The following WWOX variants were observed in gnomAD, a reference collection of about 807,000 sequenced individuals.
The protein encoded by WWOX is WW domain-containing oxidoreductase.
WWOX carries 69 observed loss-of-function variants against 46.2 expected under a neutral mutation model. The ratio of observed to expected loss-of-function variants is 1.49; its 90% confidence interval spans 1.23 to 1.82. The LOEUF is 1.82. Among genes scored for constraint, WWOX ranks in the 40% most tolerant of loss-of-function variants. The probability of loss-of-function intolerance (pLI) is 0.00; values close to 1 mark genes in which losing one functional copy is unlikely to be tolerated. For missense variants in WWOX, 919 were observed against 542.6 expected, an observed-to-expected ratio of 1.69 and a Z score of -6.89; for synonymous variants, 359 against 202.6, an observed-to-expected ratio of 1.77 and a Z score of -6.56.
intron 8 of WWOX, among the ~76,000 whole-genome samples, chr16:78,940,518 C>A (rs575178859): frequency 6.6e-6 from 1 of 152,104 alleles, no homozygotes; most frequent in African/African-American, 2.4e-5. Context: ...ATTTTTACAT[C>A]ATTTCCATCG....
intron 8 of WWOX, among the ~76,000 whole-genome samples, chr16:79,125,203 A>G (rs1212384159): frequency 6.6e-6 from 1 of 152,130 alleles, no homozygotes; most frequent in African/African-American, 2.4e-5. Context: ...GTCCTTATAG[A>G]TGTATATTAC....
chr16:79,024,097 G>C (rs1165588090), intron 8 of WWOX, among the ~76,000 whole-genome samples: 2 of 152,318 alleles, frequency 1.3e-5, no homozygotes, highest in East Asian at 1.9e-4. Context: ...CAGGGGGCTG[G>C]GAAAGAGGGG....
chr16:78,146,828 C>G (rs2034215546), intron 4 of WWOX, among the ~76,000 whole-genome samples: 1 of 152,148 alleles, frequency 6.6e-6, no homozygotes, highest in African/African-American at 2.4e-5. Flanking sequence ...GTGTTTTGTT[C>G]CGTGCATCCT....
At chr16:78,816,651 G>A (rs919847785) in intron 8 of WWOX, among the ~76,000 whole-genome samples, 3 of 151,302 alleles carry the variant, frequency 2.0e-5, no homozygotes, top group Non-Finnish European at 2.9e-5. Context: ...CACATTAAAA[G>A]CACAACCAAA....
At chr16:78,640,411 C>T (rs1265160447) in intron 8 of WWOX, among the ~76,000 whole-genome samples, 3 of 151,884 alleles carry the variant, frequency 2.0e-5, no homozygotes, top group Non-Finnish European at 4.4e-5. Flanking sequence ...GCAGGAAGGG[C>T]ACAGGGGCAA....
chr16:79,079,071 C>T (rs1433369087), intron 8 of WWOX, among the ~76,000 whole-genome samples: 1 of 152,142 alleles, frequency 6.6e-6, no homozygotes, highest in African/African-American at 2.4e-5. Flanking sequence ...CAATTAGTGC[C>T]TTAACATAAT....
intron 8 of WWOX, among the ~76,000 whole-genome samples, chr16:79,189,425 G>C (rs1231942158): frequency 1.4e-4 from 1 of 6,912 alleles, no homozygotes; most frequent in Non-Finnish European, 2.6e-4. Context: ...TCCCAGCTTT[G>C]TGTGTGTGTG....
At chr16:79,087,787 G>C (rs2048880665) in intron 8 of WWOX, among the ~76,000 whole-genome samples, 1 of 152,142 alleles carries the variant, frequency 6.6e-6, no homozygotes, top group African/African-American at 2.4e-5. Context: ...ACGTTCTCTT[G>C]GTTGCGAGGA....
chr16:78,770,575 G>C (rs1344020493), intron 8 of WWOX, among the ~76,000 whole-genome samples: 3 of 152,186 alleles, frequency 2.0e-5, no homozygotes, highest in Admixed American at 2.0e-4. Flanking sequence ...TGTGGTGCCA[G>C]GGAAGGACGT....
At chr16:79,051,589 G>A (rs141232016) in intron 8 of WWOX, among the ~76,000 whole-genome samples, 5 of 152,186 alleles carry the variant, frequency 3.3e-5, no homozygotes, top group African/African-American at 9.6e-5. Flanking sequence ...GGGAGGGAGC[G>A]TCAACATTAG....
intron 6 of WWOX, among the ~76,000 whole-genome samples, chr16:78,397,698 C>T (rs144737122): frequency 2.0e-5 from 3 of 152,274 alleles, no homozygotes; most frequent in African/African-American, 7.2e-5. Context: ...TTAGAAAGGT[C>T]AGTTCAAGGT....
intron 8 of WWOX, among the ~76,000 whole-genome samples, chr16:78,849,351 C>G (rs1262190284): frequency 6.7e-6 from 1 of 150,252 alleles, no homozygotes; most frequent in Non-Finnish European, 1.5e-5. Context: ...CGGGGGGGAT[C>G]ACGAGGTCGG....
intron 7 of WWOX, among the ~76,000 whole-genome samples, chr16:78,428,506 C>T (rs964055365): frequency 8.5e-5 from 13 of 152,196 alleles, no homozygotes; most frequent in African/African-American, 1.4e-4. Flanking sequence ...GTGCCTGATA[C>T]GTAGCAGCTG....
At chr16:78,573,305 A>C (rs560006459) in intron 8 of WWOX, among the ~76,000 whole-genome samples, 1 of 152,166 alleles carries the variant, frequency 6.6e-6, no homozygotes, top group Non-Finnish European at 1.5e-5. Context: ...AAACAAAACA[A>C]AACAAAAAAG....
chr16:78,230,401 G>A (rs1032311222), intron 5 of WWOX, among the ~76,000 whole-genome samples: 1 of 152,220 alleles, frequency 6.6e-6, no homozygotes, highest in African/African-American at 2.4e-5. Context: ...GCATTTGACT[G>A]TTGCATCCTT....
chr16:78,624,381 C>A (rs1399843289), intron 8 of WWOX, among the ~76,000 whole-genome samples: 1 of 152,134 alleles, frequency 6.6e-6, no homozygotes, highest in Admixed American at 6.5e-5. Context: ...ATTGTCACCT[C>A]TGAAACAAGA....
At chr16:78,189,890 A>C (rs142994287) in intron 5 of WWOX, among the ~76,000 whole-genome samples, 2 of 152,020 alleles carry the variant, frequency 1.3e-5, no homozygotes, top group Admixed American at 6.6e-5. Context: ...CCTGACCTCA[A>C]GTGATCCACC....
intron 8 of WWOX, among the ~76,000 whole-genome samples, chr16:78,895,019 C>T (rs182018501): frequency 2.0e-5 from 3 of 152,254 alleles, no homozygotes; most frequent in African/African-American, 4.8e-5. Context: ...CGCCGGGCAC[C>T]GGTTTACGAG....
At position 78,361,342 on chromosome 16, in the gene WWOX, G is replaced by C. The variant is rs550332836; in HGVS notation, c.517-25518G>C. Among the ~76,000 whole-genome samples the C allele has an allele frequency of 3.9e-5, 6 of 152,214 alleles. No homozygotes were observed. The East Asian group carries it at 1.2e-3, about 29-fold the overall frequency. ...ATGTTAACCTTGATCACTTGGTTAA[G>C]GTGATGTCTGCTGAGTTTTTCCAAT... On this transcript the variant is annotated intron_variant, in intron 5 of 8. Transcript: ENST00000566780.
Sources: gnomAD v4.1 joint callset for allele counts (sites outside exome capture counted in the v4.1 genomes callset) on GRCh38, gnomAD v4.1.1 for gene constraint, MANE v1.5 for transcripts, NCBI Gene and HGNC (gene_info 2026-07-23, HGNC 2026-07-21) for gene names.